The following TMEM232 variants were observed in gnomAD, a reference collection of about 807,000 sequenced individuals.
The protein encoded by TMEM232 is transmembrane protein 232.
Under a neutral mutation model 78.8 loss-of-function variants are expected in TMEM232, and 80 were observed. That is an observed-to-expected ratio of 1.01 (90% CI 0.85 to 1.22). The LOEUF (loss-of-function observed/expected upper bound fraction) is 1.22, where lower values mean the gene tolerates loss of function less well. TMEM232 is among the 50% of genes most tolerant of loss of function. TMEM232 has a pLI of 0.00. For synonymous variants in TMEM232, 297 were observed against 254.3 expected, an observed-to-expected ratio of 1.17 and a Z score of -1.60; for missense variants, 881 against 742.2, an observed-to-expected ratio of 1.19 and a Z score of -2.17.
At chr5:110,727,557 C>T (rs1259151194), upstream of TMEM232, among the ~76,000 whole-genome samples, 1 of 151,926 alleles carries the variant, frequency 6.6e-6, no homozygotes, top group Non-Finnish European at 1.5e-5. Context: ...TGCAGTGAGC[C>T]GAGATCATGC....
At chr5:110,389,268 C>CAAACAAACAAAACAAAACA (rs6149176) in intron 4 of TMEM232, among the ~76,000 whole-genome samples, 1 of 151,250 alleles carries the variant, frequency 6.6e-6, no homozygotes, top group South Asian at 2.1e-4. Flanking sequence ...CTCAAACAAA[C>CAAACAAACAAAACAAAACA]AAACAAAACA....
intron 12 of TMEM232, among the ~76,000 whole-genome samples, chr5:110,495,369 T>G (rs1309387019): frequency 1.3e-5 from 2 of 151,944 alleles, no homozygotes; most frequent in African/African-American, 4.8e-5. Flanking sequence ...TGGGGAAGGA[T>G]CTCAACATCA....
intron 13 of TMEM232, among the ~76,000 whole-genome samples, chr5:110,422,519 CAAAAAAAAAAAA>C (rs34448955): frequency 7.8e-4 from 27 of 34,558 alleles, no homozygotes; most frequent in African/African-American, 1.2e-3. Context: ...GACTCTGTCT[CAAAAAAAAAAAA>C]AAAAAAAAAA....
chr5:110,644,844 A>C (rs969740304), intron 2 of TMEM232, among the ~76,000 whole-genome samples: 1 of 151,518 alleles, frequency 6.6e-6, no homozygotes, highest in Non-Finnish European at 1.5e-5. Flanking sequence ...AAATTGAAAA[A>C]CCATTAGCTA....
chr5:110,448,157 A>G, intron 12 of TMEM232, among the ~76,000 whole-genome samples: 1 of 152,082 alleles, frequency 6.6e-6, no homozygotes, highest in East Asian at 1.9e-4. Context: ...ATATAAAGAG[A>G]AGTAAAATCT....
intron 12 of TMEM232, among the ~76,000 whole-genome samples, chr5:110,494,685 A>G (rs1765458287): frequency 6.6e-6 from 1 of 151,940 alleles, no homozygotes; most frequent in South Asian, 2.1e-4. Context: ...ACAAAAACTA[A>G]AAAGAAATCC....
At chr5:110,499,646 CATAT>C (rs1233546083) in intron 12 of TMEM232, among the ~76,000 whole-genome samples, 1 of 145,080 alleles carries the variant, frequency 6.9e-6, no homozygotes, top group African/African-American at 2.7e-5. Context: ...CACACACACA[CATAT>C]ATATATATAT....
intron 10 of TMEM232, among the ~76,000 whole-genome samples, chr5:110,598,512 T>C (rs201072601): frequency 2.0e-5 from 3 of 152,116 alleles, no homozygotes; most frequent in Non-Finnish European, 4.4e-5. Flanking sequence ...CATTACTGGA[T>C]ATATACCCAA....
chr5:110,628,909 A>G (rs1158264823), intron 5 of TMEM232: 6 of 152,078 alleles, frequency 3.9e-5, no homozygotes, highest in African/African-American at 9.7e-5. Flanking sequence ...TGATTTCCAA[A>G]TATTTTTTAT....
At chr5:110,614,168 A>T (rs1339204422) in intron 8 of TMEM232, among the ~76,000 whole-genome samples, 1 of 152,102 alleles carries the variant, frequency 6.6e-6, no homozygotes, top group African/African-American at 2.4e-5. Flanking sequence ...TTCATTGAGC[A>T]TTGTCTAAAC....
At chr5:110,655,922 G>C in intron 2 of TMEM232, among the ~76,000 whole-genome samples, 1 of 103,446 alleles carries the variant, frequency 9.7e-6, no homozygotes, top group Non-Finnish European at 1.9e-5. Context: ...GGGGGGAGGG[G>C]GGAGGGATAG....
At chr5:110,571,695 G>T (rs375465774) in intron 10 of TMEM232, among the ~76,000 whole-genome samples, 137 of 146,142 alleles carry the variant, frequency 9.4e-4, no homozygotes, top group African/African-American at 3.3e-3. Flanking sequence ...TTGTTTTTTT[G>T]TTTTTTTTTT....
chr5:110,591,008 C>T (rs567709335), intron 10 of TMEM232, among the ~76,000 whole-genome samples: 140 of 152,206 alleles, frequency 9.2e-4, no homozygotes, highest in African/African-American at 3.2e-3. Context: ...TCTCCCTCAA[C>T]GTGTGGGGAT....
chr5:110,478,289 C>A (rs1405283287), intron 12 of TMEM232, among the ~76,000 whole-genome samples: 2 of 151,850 alleles, frequency 1.3e-5, no homozygotes, highest in African/African-American at 4.8e-5. Flanking sequence ...AACCTTAAGC[C>A]AGATAATAAC....
chr5:110,493,406 C>G (rs1362483390), intron 12 of TMEM232, among the ~76,000 whole-genome samples: 1 of 150,014 alleles, frequency 6.7e-6, no homozygotes, highest in Non-Finnish European at 1.5e-5. Context: ...GTAAAATTGT[C>G]TTACAAATTA....
chr5:110,530,587 A>G (rs1771304771), intron 11 of TMEM232, among the ~76,000 whole-genome samples: 2 of 152,232 alleles, frequency 1.3e-5, no homozygotes, highest in Admixed American at 1.3e-4. Flanking sequence ...AACATGGATG[A>G]ACCTGGGGGA....
intron 12 of TMEM232, among the ~76,000 whole-genome samples, chr5:110,490,145 GA>G (rs1324772827): frequency 8.1e-6 from 1 of 122,788 alleles, no homozygotes; most frequent in African/African-American, 4.3e-5. Context: ...AAGAAAGAAA[GA>G]AAGAAAGAAA....
intron 11 of TMEM232, among the ~76,000 whole-genome samples, chr5:110,555,563 T>C (rs1321176605): frequency 6.6e-6 from 1 of 152,154 alleles, no homozygotes; most frequent in African/African-American, 2.4e-5. Flanking sequence ...TTTTTGTTAG[T>C]TTTCTGCCTT....
intron 12 of TMEM232, among the ~76,000 whole-genome samples, chr5:110,455,503 G>A (rs918993757): frequency 8.6e-5 from 13 of 150,862 alleles, no homozygotes; most frequent in African/African-American, 7.3e-5. Context: ...TCAGCCTCCC[G>A]AGTAGCTGGG....
Sources: gnomAD v4.1 joint callset for allele counts (sites outside exome capture counted in the v4.1 genomes callset) on GRCh38, gnomAD v4.1.1 for gene constraint, MANE v1.5 for transcripts, NCBI Gene and HGNC (gene_info 2026-07-23, HGNC 2026-07-21) for gene names.